PEPD: variants seen among roughly 807,000 people sequenced by gnomAD.
The protein encoded by PEPD is peptidase D, also known as xaa-Pro dipeptidase.
A neutral mutation model predicts 60.7 loss-of-function variants in PEPD; 53 were observed. The observed-to-expected ratio is 0.87, with a 90% CI of 0.70 to 1.10. The LOEUF (loss-of-function observed/expected upper bound fraction) is 1.10. PEPD is among the 50% of genes least tolerant of loss of function. PEPD has a pLI of 0.00. For synonymous variants in PEPD, 267 were observed against 284.1 expected (o/e 0.94, Z 0.60); for missense variants, 711 against 711.9 (o/e 1.00, Z 0.01).
chr19:33,469,941 C>T (rs1970092258), intron 7 of PEPD, among the ~76,000 whole-genome samples: 1 of 151,986 alleles, frequency 6.6e-6, no homozygotes, highest in Non-Finnish European at 1.5e-5. Flanking sequence ...CTGCCTCTCC[C>T]TGCTTTCCCT....
intron 12 of PEPD, among the ~76,000 whole-genome samples, chr19:33,395,812 G>A (rs557200778): frequency 1.4e-3 from 210 of 152,362 alleles, no homozygotes; most frequent in African/African-American, 4.6e-3. Flanking sequence ...ATGGGTGTGA[G>A]CCAGGCTCTA....
chr19:33,416,062 G>A (rs1968884014), intron 9 of PEPD, among the ~76,000 whole-genome samples: 1 of 152,230 alleles, frequency 6.6e-6, no homozygotes, highest in Non-Finnish European at 1.5e-5. Context: ...GGGGCCTGTG[G>A]AAGCGTGTGA....
At chr19:33,469,164 C>A (rs1301783220) in intron 7 of PEPD, among the ~76,000 whole-genome samples, 2 of 152,206 alleles carry the variant, frequency 1.3e-5, no homozygotes, top group African/African-American at 2.4e-5. Flanking sequence ...GAGCCGCCCT[C>A]TGCCTTCATT....
At chr19:33,435,484 G>A (rs1208752041) in intron 9 of PEPD, among the ~76,000 whole-genome samples, 3 of 152,226 alleles carry the variant, frequency 2.0e-5, no homozygotes, top group South Asian at 2.1e-4. Context: ...GGTGAGGGGC[G>A]CCGAGCCCAG....
At chr19:33,405,462 C>T (rs985442531) in intron 11 of PEPD, among the ~76,000 whole-genome samples, 2 of 152,360 alleles carry the variant, frequency 1.3e-5, no homozygotes, top group African/African-American at 2.4e-5. Flanking sequence ...CTGCAGACTC[C>T]GATGTGCAGC....
chr19:33,425,417 C>T (rs138721965), intron 9 of PEPD, among the ~76,000 whole-genome samples: 55 of 152,290 alleles, frequency 3.6e-4, no homozygotes, highest in Middle Eastern at 3.4e-3. Flanking sequence ...TCTCCATCCT[C>T]CCCAGGAAGG....
intron 9 of PEPD, among the ~76,000 whole-genome samples, chr19:33,435,932 T>C (rs1969367300): frequency 1.3e-5 from 2 of 152,102 alleles, no homozygotes; most frequent in Admixed American, 6.5e-5. Context: ...GGGAGAGGCA[T>C]ACTGGCCTCC....
At chr19:33,458,735 T>C (rs1016249811) in intron 9 of PEPD, among the ~76,000 whole-genome samples, 27 of 108,834 alleles carry the variant, frequency 2.5e-4, no homozygotes, top group Non-Finnish European at 4.6e-4. Flanking sequence ...ATGCAGCATG[T>C]GTGTTGTGTG....
At chr19:33,400,077 C>G (rs541302859) in intron 12 of PEPD, among the ~76,000 whole-genome samples, 120 of 152,330 alleles carry the variant, frequency 7.9e-4, no homozygotes, top group African/African-American at 2.7e-3. Context: ...GTAAGCCCAC[C>G]TGGCTCCTGG....
intron 7 of PEPD, among the ~76,000 whole-genome samples, chr19:33,466,174 A>C (rs546594228): frequency 1.4e-4 from 22 of 152,232 alleles, no homozygotes; most frequent in Non-Finnish European, 2.9e-4. Flanking sequence ...AGGAAGCTTA[A>C]AGCTCTTAGT....
At chr19:33,506,395 T>TCA (rs761405776) in intron 3 of PEPD, among the ~76,000 whole-genome samples, 717 of 64,822 alleles carry the variant, frequency 0.011, 7 homozygotes, top group African/African-American at 0.041. Context: ...TACACACCAC[T>TCA]CACACACACA....
intron 13 of PEPD, among the ~76,000 whole-genome samples, chr19:33,389,766 G>A (rs1232355630): frequency 6.6e-6 from 1 of 152,266 alleles, no homozygotes; most frequent in African/African-American, 2.4e-5. Flanking sequence ...TGGGGTGGGG[G>A]AGATTAGAAG....
chr19:33,402,678 C>A (rs1968526895), intron 11 of PEPD, among the ~76,000 whole-genome samples: 1 of 152,220 alleles, frequency 6.6e-6, no homozygotes. Flanking sequence ...GGCCCCCTCA[C>A]CCTGTCCACC....
At chr19:33,405,463 G>A (rs912609068) in intron 11 of PEPD, among the ~76,000 whole-genome samples, 3 of 152,260 alleles carry the variant, frequency 2.0e-5, no homozygotes, top group East Asian at 3.8e-4. Flanking sequence ...TGCAGACTCC[G>A]ATGTGCAGCT....
At chr19:33,483,630 C>T (rs183690214) in intron 6 of PEPD, among the ~76,000 whole-genome samples, 99 of 152,162 alleles carry the variant, frequency 6.5e-4, no homozygotes, top group Non-Finnish European at 1.2e-3. Flanking sequence ...GGCAATGTGG[C>T]GAGACTTTGT....
intron 9 of PEPD, among the ~76,000 whole-genome samples, chr19:33,454,894 T>G (rs975535756): frequency 6.6e-6 from 1 of 152,196 alleles, no homozygotes; most frequent in Non-Finnish European, 1.5e-5. Context: ...ACAATGGCAC[T>G]TCTGTGCTCT....
At chr19:33,471,613 A>T (rs1180529992) in intron 7 of PEPD, among the ~76,000 whole-genome samples, 3 of 152,222 alleles carry the variant, frequency 2.0e-5, no homozygotes, top group Non-Finnish European at 4.4e-5. Context: ...TGTTAGAAGT[A>T]TGATCTACAA....
chr19:33,496,545 C>T (rs558410812), intron 4 of PEPD, among the ~76,000 whole-genome samples: 10 of 152,332 alleles, frequency 6.6e-5, no homozygotes, highest in South Asian at 4.1e-4. Flanking sequence ...ACCCTGACTC[C>T]GTGCCTCAAA....
In PEPD at chr19:33,387,256, G is replaced by T; in HGVS notation, c.*88C>A. 1 of 1,494,294 alleles carries T rather than the reference G, an allele frequency of 6.7e-7. No individual in the cohort carries two copies. Among genetic ancestry groups the T allele is most frequent in the South Asian group, 1.1e-5 (1 of 87,610 alleles). The allele number at this position is 1,494,294 out of a possible 1,614,324, so 92.6% of individuals were successfully genotyped here. ...GATCTGATTCTGGGTGCCGTCTCTCGCTACTGGAGTGCTGACCAGCAGGCT... is the reference window on the plus strand; with the variant it reads ...GATCTGATTCTGGGTGCCGTCTCTCTCTACTGGAGTGCTGACCAGCAGGCT... On this transcript the variant is annotated 3_prime_UTR_variant, in exon 15 of 15. Transcript: ENST00000244137.
Sources: allele counts gnomAD v4.1 joint callset (sites outside exome capture counted in the v4.1 genomes callset), GRCh38; gene constraint gnomAD v4.1.1; transcripts MANE v1.5; gene names NCBI Gene and HGNC (gene_info 2026-07-23, HGNC 2026-07-21).